TENM3: variants seen among roughly 807,000 people sequenced by gnomAD.
TENM3 encodes teneurin transmembrane protein 3.
In TENM3, 63 loss-of-function variants were observed where a neutral mutation model predicts 255.1. The observed-to-expected ratio is 0.25, with a 90% confidence interval of 0.20 to 0.30. The LOEUF is 0.30. TENM3 is among the 10% of genes least tolerant of loss of function. TENM3 has a pLI of 1.00. For synonymous variants in TENM3, 1,306 were observed against 1,322.3 expected (o/e 0.99, Z 0.27); for missense variants, 2,929 against 3,461.1 (o/e 0.85, Z 3.86).
the TENM3 span, among the ~76,000 whole-genome samples, chr4:181,740,071 C>G: frequency 2.6e-5 from 4 of 152,166 alleles, no homozygotes; most frequent in African/African-American, 9.7e-5. Flanking sequence ...AACCAAAGCA[C>G]ATACCGAAAT....
At chr4:182,244,951 C>T (rs1419442148) in intron 1 of TENM3, among the ~76,000 whole-genome samples, 2 of 152,208 alleles carry the variant, frequency 1.3e-5, no homozygotes, top group Non-Finnish European at 2.9e-5. Context: ...TTTCTAGAGT[C>T]TCTTTTTATT....
the TENM3 span, among the ~76,000 whole-genome samples, chr4:181,831,079 T>C: frequency 4.6e-5 from 7 of 152,220 alleles, no homozygotes; most frequent in African/African-American, 7.2e-5. Flanking sequence ...TTCATGACAA[T>C]GTTTGTCTAA....
At chr4:181,774,121 G>A in the TENM3 span, among the ~76,000 whole-genome samples, 3 of 93,512 alleles carry the variant, frequency 3.2e-5, no homozygotes, top group Admixed American at 1.1e-4. Context: ...ACCCACTAAT[G>A]TGTCATCTAG....
chr4:182,296,415 A>G (rs1449568948), intron 1 of TENM3, among the ~76,000 whole-genome samples: 1 of 152,220 alleles, frequency 6.6e-6, no homozygotes, highest in Admixed American at 6.5e-5. Context: ...TTGTACTTGA[A>G]GGCTATGGGT....
the TENM3 span, among the ~76,000 whole-genome samples, chr4:182,089,933 T>G: frequency 6.6e-6 from 1 of 152,350 alleles, no homozygotes; most frequent in African/African-American, 2.4e-5. Context: ...TAGTAAAGTT[T>G]AATACTTTAT....
At chr4:182,346,964 T>A in intron 3 of TENM3, 35 bp downstream of exon 3, 1 of 1,462,396 alleles carries the variant, frequency 6.8e-7, no homozygotes, top group Admixed American at 1.9e-5. Flanking sequence ...ATGTTGGCAT[T>A]CAGTGCTTCT....
At chr4:182,304,926 G>A (rs115806507) in intron 1 of TENM3, among the ~76,000 whole-genome samples, 3,340 of 152,224 alleles carry the variant, frequency 0.022, 54 homozygotes, top group Non-Finnish European at 0.03. Context: ...TCAGTCTGTC[G>A]AGGGGTTTTT....
the TENM3 span, among the ~76,000 whole-genome samples, chr4:182,045,365 C>T: frequency 1.2e-4 from 17 of 145,650 alleles, no homozygotes; most frequent in East Asian, 1.4e-3. Flanking sequence ...TTTCTAAGTA[C>T]GATGTCCATG....
At chr4:181,699,039 G>A in the TENM3 span, among the ~76,000 whole-genome samples, 1 of 152,138 alleles carries the variant, frequency 6.6e-6, no homozygotes, top group South Asian at 2.1e-4. Flanking sequence ...ACAGTTTTAA[G>A]ATAAAGTTTA....
the TENM3 span, among the ~76,000 whole-genome samples, chr4:181,903,017 G>A: frequency 6.6e-6 from 1 of 151,966 alleles, no homozygotes. Context: ...TTTAAGTTTG[G>A]GGAAAAATGC....
At chr4:181,464,818 G>A in the TENM3 span, among the ~76,000 whole-genome samples, 1 of 152,086 alleles carries the variant, frequency 6.6e-6, no homozygotes, top group Non-Finnish European at 1.5e-5. Flanking sequence ...GGGCATGGTG[G>A]CTCATGCCTG....
At chr4:182,615,046 CATATAT>C (rs10570169) in intron 4 of TENM3, among the ~76,000 whole-genome samples, 1 of 112,058 alleles carries the variant, frequency 8.9e-6, no homozygotes, top group Non-Finnish European at 1.8e-5. Flanking sequence ...AAAAAAAATA[CATATAT>C]ATATATATAT....
At chr4:181,713,323 G>T in the TENM3 span, among the ~76,000 whole-genome samples, 17,715 of 152,136 alleles carry the variant, frequency 0.12, 1,332 homozygotes, top group African/African-American at 0.23. Context: ...CCACGAAAAG[G>T]TTCTTTACAG....
At chr4:181,984,458 C>T in the TENM3 span, among the ~76,000 whole-genome samples, 156 of 151,924 alleles carry the variant, frequency 1.0e-3, 1 homozygote, top group Middle Eastern at 0.017. Context: ...AAAGAAAAAG[C>T]GACTTCCTTT....
At chr4:182,564,521 G>A (rs947283531) in intron 3 of TENM3, among the ~76,000 whole-genome samples, 7 of 151,352 alleles carry the variant, frequency 4.6e-5, no homozygotes, top group South Asian at 4.2e-4. Flanking sequence ...TCACCACACC[G>A]AACATTCCCA....
chr4:182,597,086 G>A (rs1240541585), intron 3 of TENM3, among the ~76,000 whole-genome samples: 1 of 152,076 alleles, frequency 6.6e-6, no homozygotes, highest in Non-Finnish European at 1.5e-5. Context: ...ATTTCCCTGG[G>A]TATTCAATTG....
At position 182,630,754 on chromosome 4, in the gene TENM3, T is replaced by TTTA. The variant is rs1751287740; in HGVS notation, c.988+1867_988+1868insATT. ...GTTGGGGATTTTATTTATTTATTTA[T>TTTA]TTTATTTTATTATTATTATTTTTTT... is the stretch of plus-strand genomic sequence containing the variant. On this transcript the variant is annotated intron_variant, in intron 5 of 27. Coordinates refer to ENST00000511685, the MANE Select transcript of TENM3 (RefSeq NM_001080477.4). 2.7e-5 allele frequency among the ~76,000 whole-genome samples: 4 copies of TTTA among 146,010 alleles called. No individual in the cohort carries two copies. In the South Asian group the frequency reaches 8.7e-4, roughly 32 times the overall value.
the TENM3 span, among the ~76,000 whole-genome samples, chr4:181,477,542 A>G: frequency 5.3e-5 from 8 of 152,218 alleles, no homozygotes; most frequent in African/African-American, 9.7e-5. Flanking sequence ...CAACTCTTAC[A>G]TGTCTACCTA....
the TENM3 span, among the ~76,000 whole-genome samples, chr4:182,081,521 T>C: frequency 6.8e-6 from 1 of 147,458 alleles, no homozygotes; most frequent in Admixed American, 7.0e-5. Context: ...GAGGCGGAGA[T>C]TGCAGTGAGC....
Sources: gnomAD v4.1 joint callset for allele counts (sites outside exome capture counted in the v4.1 genomes callset) on GRCh38, gnomAD v4.1.1 for gene constraint, MANE v1.5 for transcripts, NCBI Gene and HGNC (gene_info 2026-07-23, HGNC 2026-07-21) for gene names.